The following FLVCR2 variants were observed in gnomAD, a reference collection of about 807,000 sequenced individuals.
FLVCR2 encodes the protein FLVCR choline and putative heme transporter 2, also known as choline/ethanolamine transporter FLVCR2.
Under a neutral mutation model 48.9 loss-of-function variants are expected in FLVCR2, and 38 were observed. The observed-to-expected ratio is 0.78, with a 90% CI of 0.60 to 1.02. FLVCR2 has a LOEUF of 1.02. FLVCR2 is among the 50% of genes least tolerant of loss of function. FLVCR2 has a pLI of 0.00. For missense variants in FLVCR2, 664 were observed against 663.3 expected (o/e 1.00, Z -0.01); for synonymous variants, 255 against 257.0 (o/e 0.99, Z 0.07).
chr14:75,596,502 A>G (rs28495442), intron 1 of FLVCR2, among the ~76,000 whole-genome samples: 19,261 of 152,098 alleles, frequency 0.13, 3,061 homozygotes, highest in African/African-American at 0.38. Context: ...AGCTCCCACC[A>G]ATCATTGATA....
At position 75,635,050 on chromosome 14, in the gene FLVCR2, C is replaced by A. The variant is rs1395672080; in HGVS notation, c.1124+37C>A. On this transcript the variant is annotated intron_variant, in intron 5 of 9. Coordinates refer to ENST00000238667, the MANE Select transcript of FLVCR2 (RefSeq NM_017791.3). The stretch of plus-strand genomic sequence containing the variant: ...ATCCTCTTGGACTGAGAATTGGGGA[C>A]CTGTTTTTTGAAATGACATATTCAT... 6 of 1,366,512 alleles carry A rather than the reference C, an allele frequency of 4.4e-6. No homozygotes were observed. In the South Asian group the frequency reaches 5.9e-5, roughly 13 times the overall value. The allele number at this position is 1,366,512 out of a possible 1,614,324, so 84.6% of individuals were successfully genotyped here.
chr14:75,580,742 G>A (rs1173788008), intron 1 of FLVCR2, among the ~76,000 whole-genome samples: 4 of 152,164 alleles, frequency 2.6e-5, no homozygotes, highest in Non-Finnish European at 4.4e-5. Context: ...TCTTAAGGGT[G>A]GGGGAAATTA....
At chr14:75,587,515 G>A (rs1888779919) in intron 1 of FLVCR2, among the ~76,000 whole-genome samples, 1 of 152,188 alleles carries the variant, frequency 6.6e-6, no homozygotes, top group Non-Finnish European at 1.5e-5. Flanking sequence ...AAGAAGGTGA[G>A]GGTGGAGTCT....
intron 1 of FLVCR2, among the ~76,000 whole-genome samples, chr14:75,614,464 A>T (rs1417973735): frequency 6.6e-6 from 1 of 152,236 alleles, no homozygotes; most frequent in Non-Finnish European, 1.5e-5. Context: ...CCTAGTGAGG[A>T]TCGTCAAGGA....
intron 1 of FLVCR2, among the ~76,000 whole-genome samples, chr14:75,587,002 C>T (rs1888768687): frequency 6.6e-6 from 1 of 152,140 alleles, no homozygotes; most frequent in African/African-American, 2.4e-5. Context: ...ATTTTCAGTT[C>T]TCCATGGGGT....
At chr14:75,584,923 C>G (rs1341542488) in intron 1 of FLVCR2, among the ~76,000 whole-genome samples, 1 of 152,212 alleles carries the variant, frequency 6.6e-6, no homozygotes, top group Non-Finnish European at 1.5e-5. Context: ...ATGCCTTTAG[C>G]TCCAGCCACC....
intron 1 of FLVCR2, among the ~76,000 whole-genome samples, chr14:75,596,641 T>C (rs941158150): frequency 1.3e-5 from 2 of 152,212 alleles, no homozygotes; most frequent in Non-Finnish European, 2.9e-5. Flanking sequence ...TTTACCATTT[T>C]AACCATTCAT....
intron 1 of FLVCR2, among the ~76,000 whole-genome samples, chr14:75,597,297 GA>G (rs1889048221): frequency 6.7e-6 from 1 of 150,362 alleles, no homozygotes; most frequent in African/African-American, 2.5e-5. Flanking sequence ...AAAAAAAGAA[GA>G]AGAAGAAGAA....
intron 1 of FLVCR2, among the ~76,000 whole-genome samples, chr14:75,614,272 A>G (rs1007736080): frequency 1.3e-5 from 2 of 152,204 alleles, no homozygotes; most frequent in African/African-American, 2.4e-5. Flanking sequence ...TTCCAACCAC[A>G]TCTTTCCACA....
At chr14:75,580,358 G>A (rs937937311) in intron 1 of FLVCR2, among the ~76,000 whole-genome samples, 3 of 152,230 alleles carry the variant, frequency 2.0e-5, no homozygotes, top group Non-Finnish European at 4.4e-5. Context: ...GAACCTGAAT[G>A]CCGTCTCCAA....
chr14:75,603,734 G>A (rs1027141389), intron 1 of FLVCR2, among the ~76,000 whole-genome samples: 1 of 152,128 alleles, frequency 6.6e-6, no homozygotes, highest in Non-Finnish European at 1.5e-5. Context: ...AGATGCTGCC[G>A]CAGTACCCTC....
At chr14:75,592,174 G>C (rs111861070) in intron 1 of FLVCR2, among the ~76,000 whole-genome samples, 84 of 152,152 alleles carry the variant, frequency 5.5e-4, no homozygotes, top group Middle Eastern at 3.4e-3. Context: ...CTAGGTGGAA[G>C]CTGCCATGCC....
At chr14:75,620,704 T>A (rs1249871795) in intron 1 of FLVCR2, among the ~76,000 whole-genome samples, 1 of 152,230 alleles carries the variant, frequency 6.6e-6, no homozygotes, top group Non-Finnish European at 1.5e-5. Flanking sequence ...ATTGATTACA[T>A]ACTGGTATAA....
chr14:75,626,283 C>T (rs1385576296), intron 3 of FLVCR2, among the ~76,000 whole-genome samples: 1 of 151,146 alleles, frequency 6.6e-6, no homozygotes, highest in Non-Finnish European at 1.5e-5. Context: ...TGAGCCACTG[C>T]GCCCAGCCAA....
rs771092451 is a variant in FLVCR2 at position 75,639,438 on chromosome 14, T to G, written c.1211T>G (p.Val404Gly). The G allele has an allele frequency of 1.9e-6, 3 of 1,612,376 alleles. No individual in the cohort carries two copies. Among genetic ancestry groups the G allele is most frequent in the Non-Finnish European group, 2.5e-6 (3 of 1,178,498 alleles). ...TTGAACCTGGGACACCTGTGGGTAG[T>G]GTTCATCACTGCTGGCACAATGGGG... Reference protein sequence around the residue: ...FTLNLGHLWVVFITAGTMGFF... With the variant: ...FTLNLGHLWVGFITAGTMGFF... Residue 404 changes from valine to glycine, a missense_variant, in exon 6 of 10, where the codon GTG (valine) becomes GGG (glycine). Val to Gly is a moderately radical substitution (Grantham distance 109). Coordinates refer to ENST00000238667, the MANE Select transcript of FLVCR2 (RefSeq NM_017791.3).
chr14:75,606,357 A>C (rs1168667034), intron 1 of FLVCR2, among the ~76,000 whole-genome samples: 7 of 152,102 alleles, frequency 4.6e-5, no homozygotes. Flanking sequence ...GTTCATTCTC[A>C]AGGCTGTTTG....
chr14:75,644,651 T>A (rs2140057387), intron 9 of FLVCR2, among the ~76,000 whole-genome samples: 1 of 152,236 alleles, frequency 6.6e-6, no homozygotes, highest in Middle Eastern at 3.4e-3. Context: ...GGGGTCAAAG[T>A]CATGCTGGGA....
intron 1 of FLVCR2, among the ~76,000 whole-genome samples, chr14:75,607,860 G>A (rs1280058112): frequency 6.6e-6 from 1 of 152,112 alleles, no homozygotes; most frequent in Non-Finnish European, 1.5e-5. Flanking sequence ...ATCACTTGAT[G>A]CCAGGAGTTT....
intron 1 of FLVCR2, among the ~76,000 whole-genome samples, chr14:75,596,736 C>T (rs1047835936): frequency 1.3e-5 from 2 of 151,040 alleles, no homozygotes; most frequent in African/African-American, 4.9e-5. Flanking sequence ...TTTTCATCAT[C>T]GTCAATAAAA....
Sources: allele counts gnomAD v4.1 joint callset (sites outside exome capture counted in the v4.1 genomes callset), GRCh38; gene constraint gnomAD v4.1.1; transcripts MANE v1.5; gene names NCBI Gene and HGNC (gene_info 2026-07-23, HGNC 2026-07-21).